Variants in LARGE1 observed in about 807,000 individuals in gnomAD.
The protein encoded by LARGE1 is LARGE xylosyl- and glucuronyltransferase 1, also known as xylosyl- and glucuronyltransferase LARGE1.
In LARGE1, 43 loss-of-function variants were observed where a neutral mutation model predicts 87.6. The ratio of observed to expected loss-of-function variants is 0.49; its 90% CI spans 0.38 to 0.63. The LOEUF (loss-of-function observed/expected upper bound fraction) is 0.63, where lower values mean the gene tolerates loss of function less well. LARGE1 is among the 30% of genes least tolerant of loss of function. The probability of loss-of-function intolerance (pLI) is 0.00; values close to 1 mark genes in which losing one functional copy is unlikely to be tolerated. For synonymous variants in LARGE1, 434 were observed against 394.6 expected (o/e 1.10, Z -1.18); for missense variants, 802 against 1,000.2 (o/e 0.80, Z 2.67).
rs180722868 is a variant in LARGE1, at chr22:33,761,776, A to T, written c.-82-218T>A. On this transcript the variant is annotated intron_variant, in intron 1 of 14. Transcript: ENST00000397394. The stretch of plus-strand genomic sequence containing the variant: ...ACAAAAACTGTAAGCTCGCTCTCTC[A>T]CACACACACACAAACACGCACACAC... Among the ~76,000 whole-genome samples, 51 of 151,978 alleles carry T rather than the reference A, an allele frequency of 3.4e-4. No homozygotes were observed. The East Asian group carries it at 6.0e-3, about 18-fold the overall frequency.
At chr22:33,831,533 C>T (rs2062968356) in intron 1 of LARGE1, among the ~76,000 whole-genome samples, 1 of 152,096 alleles carries the variant, frequency 6.6e-6, no homozygotes, top group Non-Finnish European at 1.5e-5. Context: ...GATGCCTGCC[C>T]AGGTCCCTAA....
the LARGE1 span, among the ~76,000 whole-genome samples, chr22:33,134,354 G>A: frequency 6.6e-6 from 1 of 150,904 alleles, no homozygotes; most frequent in Admixed American, 6.6e-5. Flanking sequence ...CGCCTCCCGG[G>A]TTCACGCCAT....
chr22:33,848,061 G>A lies in LARGE1; in HGVS notation c.-83+71934C>T, dbSNP rs532235268. On this transcript the variant is annotated intron_variant, in intron 1 of 14. Transcript: ENST00000397394. ...CTTCATGACTAGGAGCTTATTGTGC[G>A]AAAAGCAGCTACTCCCTATAGTCAA... Among the ~76,000 whole-genome samples the A allele has an allele frequency of 5.3e-5, 8 of 152,302 alleles. No homozygotes were observed. The South Asian group carries it at 6.2e-4, about 12-fold the overall frequency.
At chr22:33,534,336 G>A (rs534011830) in intron 6 of LARGE1, among the ~76,000 whole-genome samples, 6 of 152,064 alleles carry the variant, frequency 3.9e-5, no homozygotes, top group Admixed American at 2.0e-4. Flanking sequence ...CCCAGGAGGC[G>A]GAGCTTGCAG....
chr22:33,696,979 C>G (rs1441139542), intron 2 of LARGE1, among the ~76,000 whole-genome samples: 1 of 152,038 alleles, frequency 6.6e-6, no homozygotes, highest in Non-Finnish European at 1.5e-5. Flanking sequence ...AAATATTTCC[C>G]TTACATACAT....
intron 1 of LARGE1, among the ~76,000 whole-genome samples, chr22:33,773,187 G>A (rs910760902): frequency 2.0e-5 from 3 of 152,192 alleles, no homozygotes; most frequent in Admixed American, 6.5e-5. Flanking sequence ...GAGCATCTCT[G>A]TGGAATTTCC....
At chr22:33,332,764 A>G (rs558216021) in intron 10 of LARGE1, among the ~76,000 whole-genome samples, 2 of 152,298 alleles carry the variant, frequency 1.3e-5, no homozygotes, top group East Asian at 3.9e-4. Context: ...GCTGTGGTTC[A>G]GGAGTGCAAT....
chr22:33,554,691 C>CT (rs1464626529), intron 6 of LARGE1, among the ~76,000 whole-genome samples: 1 of 152,172 alleles, frequency 6.6e-6, no homozygotes, highest in African/African-American at 2.4e-5. Flanking sequence ...TCCTGTCGCA[C>CT]TTTTTATATC....
intron 2 of LARGE1, among the ~76,000 whole-genome samples, chr22:33,656,452 G>T (rs373034491): frequency 2.6e-5 from 4 of 152,080 alleles, no homozygotes; most frequent in African/African-American, 9.7e-5. Flanking sequence ...GGAATTATGG[G>T]GGCTACAATT....
At chr22:33,336,577 C>T (rs908223563) in intron 10 of LARGE1, among the ~76,000 whole-genome samples, 1 of 152,144 alleles carries the variant, frequency 6.6e-6, no homozygotes, top group African/African-American at 2.4e-5. Context: ...TGAGATCACA[C>T]AGGTAGTAAC....
chr22:33,127,685 A>G, the LARGE1 span, among the ~76,000 whole-genome samples: 1 of 152,228 alleles, frequency 6.6e-6, no homozygotes, highest in South Asian at 2.1e-4. Context: ...GTAAGAGATC[A>G]AGGGACTGGG....
chr22:33,887,743 A>G (rs991227706), intron 1 of LARGE1, among the ~76,000 whole-genome samples: 2 of 141,914 alleles, frequency 1.4e-5, no homozygotes, highest in African/African-American at 5.6e-5. Context: ...ATCTCACAAG[A>G]AAAAAAAAAA....
intron 6 of LARGE1, among the ~76,000 whole-genome samples, chr22:33,484,621 C>G (rs146081911): frequency 1.3e-5 from 2 of 152,164 alleles, no homozygotes; most frequent in Non-Finnish European, 2.9e-5. Flanking sequence ...CAGGAGAGCG[C>G]TGGGTTCTAC....
intron 6 of LARGE1, among the ~76,000 whole-genome samples, chr22:33,536,072 C>T (rs2077034239): frequency 6.6e-6 from 1 of 152,218 alleles, no homozygotes; most frequent in Non-Finnish European, 1.5e-5. Flanking sequence ...GGGCCATCCT[C>T]TTGCAACATC....
chr22:33,831,129 G>A (rs773235344), intron 1 of LARGE1, among the ~76,000 whole-genome samples: 8 of 135,844 alleles, frequency 5.9e-5, no homozygotes, highest in Non-Finnish European at 9.2e-5. Flanking sequence ...ACGGAGTCTC[G>A]CTCTGTCGCC....
chr22:33,625,856 C>G (rs1027143339), intron 4 of LARGE1, among the ~76,000 whole-genome samples: 2 of 152,120 alleles, frequency 1.3e-5, no homozygotes, highest in East Asian at 3.9e-4. Flanking sequence ...TTCTCAGGTA[C>G]CAGGAATGAG....
At chr22:33,301,665 G>T (rs1192769756) in intron 12 of LARGE1, among the ~76,000 whole-genome samples, 1 of 152,088 alleles carries the variant, frequency 6.6e-6, no homozygotes, top group African/African-American at 2.4e-5. Flanking sequence ...GGAAAAGTCT[G>T]GGAAGAAAGT....
chr22:33,116,449 G>A, the LARGE1 span, among the ~76,000 whole-genome samples: 2 of 152,048 alleles, frequency 1.3e-5, no homozygotes, highest in African/African-American at 4.8e-5. Flanking sequence ...CCGCCTCCCG[G>A]GTTCACGCCA....
At chr22:33,507,693 T>C (rs2148417136) in intron 6 of LARGE1, among the ~76,000 whole-genome samples, 1 of 152,348 alleles carries the variant, frequency 6.6e-6, no homozygotes, top group African/African-American at 2.4e-5. Flanking sequence ...TACTTTAAAA[T>C]GGTTACAATG....
Sources: allele counts gnomAD v4.1 joint callset (sites outside exome capture counted in the v4.1 genomes callset), GRCh38; gene constraint gnomAD v4.1.1; transcripts MANE v1.5; gene names NCBI Gene and HGNC (gene_info 2026-07-23, HGNC 2026-07-21).